Variants in MRPS25 observed in about 807,000 individuals in gnomAD.
MRPS25 encodes the protein mitochondrial ribosomal protein S25.
Under a neutral mutation model 17.3 loss-of-function variants are expected in MRPS25, and 15 were observed. That is an observed-to-expected ratio of 0.87 (90% confidence interval 0.58 to 1.34). MRPS25 has a LOEUF of 1.34. Ranked by LOEUF, MRPS25 falls within the 40% of genes most tolerant of loss-of-function variation. The pLI, the probability that MRPS25 is intolerant of heterozygous loss-of-function variation, is 0.00. For missense variants in MRPS25, 225 were observed against 218.6 expected (o/e 1.03, Z -0.19); for synonymous variants, 94 against 83.3 (o/e 1.13, Z -0.70).
Position 15,065,056 on chromosome 3 carries a change from C to G in MRPS25, c.134+5G>C. 1 of 1,576,724 alleles carries G rather than the reference C, an allele frequency of 6.3e-7. No homozygotes were observed. Among genetic ancestry groups the G allele is most frequent in the Non-Finnish European group, 8.6e-7 (1 of 1,165,448 alleles). ...GCTCGCCAGGCGGCCGGGGCTGCGA[C>G]TGACCTGGCGCCCTCGCCCAGCTCC... On this transcript the variant is annotated splice_donor_5th_base_variant and intron_variant, in intron 1 of 3. Transcript: ENST00000253686.
intron 1 of MRPS25, among the ~76,000 whole-genome samples, chr3:15,062,059 G>A (rs1163854771): frequency 1.4e-5 from 2 of 144,866 alleles, no homozygotes; most frequent in African/African-American, 5.1e-5. Context: ...GTCAGCCCCC[G>A]CCAGGCCAGC....
intron 1 of MRPS25, among the ~76,000 whole-genome samples, chr3:15,060,718 T>G (rs2042741244): frequency 6.6e-6 from 1 of 151,566 alleles, no homozygotes; most frequent in Non-Finnish European, 1.5e-5. Context: ...CCGTCTCTAC[T>G]AAAAATACAA....
At chr3:15,062,014 G>A (rs1341594810) in intron 1 of MRPS25, among the ~76,000 whole-genome samples, 6 of 149,882 alleles carry the variant, frequency 4.0e-5, no homozygotes, top group South Asian at 2.1e-4. Flanking sequence ...GAGCGTCTCC[G>A]CCCGGCAGCC....
At chr3:15,042,776 G>C, downstream of MRPS25, 2 of 1,537,336 alleles carry the variant, frequency 1.3e-6, no homozygotes, top group Non-Finnish European at 8.9e-7. Context: ...AGCCTTTGCT[G>C]AGCTGTGGTT....
In MRPS25 at chr3:15,051,772, CAG is replaced by C. The variant is rs1185220829; in HGVS notation, c.*667_*668del. The C allele has an allele frequency of 1.3e-5, 13 of 985,562 alleles. No individual in the cohort carries two copies. The East Asian group carries it at 1.0e-3, about 77-fold the overall frequency. The allele number at this position is 985,562 out of a possible 1,614,324, so 61.1% of individuals were successfully genotyped here. Reference sequence around the variant, plus strand: ...CTACAAACCTCCCTGCTAATGCACACAGTGGCTGGGCCATGGGTTGGCAGTGG... The same window carrying C: ...CTACAAACCTCCCTGCTAATGCACACTGGCTGGGCCATGGGTTGGCAGTGG... On this transcript the variant is annotated 3_prime_UTR_variant, in exon 4 of 4. Transcript: ENST00000253686.
intron 2 of MRPS25, among the ~76,000 whole-genome samples, chr3:15,056,302 A>G (rs1019458702): frequency 3.3e-5 from 5 of 152,180 alleles, no homozygotes; most frequent in Non-Finnish European, 5.9e-5. Flanking sequence ...GGGGAAATGC[A>G]TATTACAACT....
intron 1 of MRPS25, 98 bp downstream of exon 1, chr3:15,064,963 A>G: frequency 6.9e-7 from 1 of 1,457,334 alleles, no homozygotes; most frequent in Admixed American, 2.1e-5. Flanking sequence ...CGCCCCGGGG[A>G]TGAACGGCCG....
intron 1 of MRPS25, among the ~76,000 whole-genome samples, chr3:15,062,171 TA>T (rs377718731): frequency 0.98 from 3,528 of 3,602 alleles, 1,739 homozygotes; most frequent in Middle Eastern, 1. Flanking sequence ...AGCCGCCCCG[TA>T]CTGGGAGGTG....
chr3:15,050,838 G>GT lies in MRPS25; in HGVS notation c.*1602dup. 1.0e-6 allele frequency: 1 copy of GT among 985,190 alleles called. No individual in the cohort carries two copies. Among genetic ancestry groups the GT allele is most frequent in the Non-Finnish European group, 1.2e-6 (1 of 829,886 alleles). The allele number at this position is 985,190 out of a possible 1,614,324, so 61.0% of individuals were successfully genotyped here. On this transcript the variant is annotated 3_prime_UTR_variant, in exon 4 of 4. Transcript: ENST00000253686. ...ACAGAATCAAACTTGAGCATCAAATGTAAAAGATCCAAATCTGCTCAATTT... is the reference window on the plus strand; with the variant it reads ...ACAGAATCAAACTTGAGCATCAAATGTTAAAAGATCCAAATCTGCTCAATTT...
intron 1 of MRPS25, among the ~76,000 whole-genome samples, chr3:15,063,653 A>G (rs181357787): frequency 8.5e-4 from 129 of 152,304 alleles, no homozygotes; most frequent in African/African-American, 2.7e-3. Context: ...AATGTAAGTA[A>G]GAGGCTCACA....
At chr3:15,044,636 C>G (rs918042167), downstream of MRPS25, 1 of 152,236 alleles carries the variant, frequency 6.6e-6, no homozygotes, top group Non-Finnish European at 1.5e-5. Flanking sequence ...AAATTTGCCT[C>G]TCTTGATTTG....
At chr3:15,058,151 C>G (rs959347348) in intron 2 of MRPS25, among the ~76,000 whole-genome samples, 11 of 152,100 alleles carry the variant, frequency 7.2e-5, no homozygotes, top group African/African-American at 2.7e-4. Flanking sequence ...ACTGGGATTA[C>G]AGGTGTGAGC....
chr3:15,063,796 A>AT (rs1327995514), intron 1 of MRPS25, among the ~76,000 whole-genome samples: 1 of 151,874 alleles, frequency 6.6e-6, no homozygotes, highest in African/African-American at 2.4e-5. Flanking sequence ...TGGATAGGGC[A>AT]TGTGCTCTCC....
At chr3:15,060,692 C>T (rs996578252) in intron 1 of MRPS25, among the ~76,000 whole-genome samples, 4 of 151,984 alleles carry the variant, frequency 2.6e-5, no homozygotes, top group Non-Finnish European at 4.4e-5. Context: ...ACCATCCTGG[C>T]TAACACGGTG....
At chr3:15,044,212 C>T (rs1299267071), downstream of MRPS25, 1 of 152,210 alleles carries the variant, frequency 6.6e-6, no homozygotes, top group Non-Finnish European at 1.5e-5. Context: ...AGGACAATTT[C>T]TTCCTGTTGA....
At chr3:15,056,901 G>A (rs77343513) in intron 2 of MRPS25, among the ~76,000 whole-genome samples, 3,102 of 152,336 alleles carry the variant, frequency 0.02, 105 homozygotes, top group African/African-American at 0.069. Context: ...CGGCACAATC[G>A]CTTTGGAAAG....
In MRPS25 at chr3:15,065,213, G is replaced by T; in HGVS notation, c.-19C>A. 6.4e-7 allele frequency: 1 copy of T among 1,571,362 alleles called. No individual in the cohort carries two copies. Reference sequence around the variant, plus strand: ...TGGGCATGGCGGCAACGGTGGCGGGGCCGACCCCACGGGCCGCGAGCCGAG... The same window carrying T: ...TGGGCATGGCGGCAACGGTGGCGGGTCCGACCCCACGGGCCGCGAGCCGAG... On this transcript the variant is annotated 5_prime_UTR_variant, in exon 1 of 4. Transcript: ENST00000253686.
At chr3:15,058,491 A>C (rs550928969) in intron 2 of MRPS25, among the ~76,000 whole-genome samples, 5 of 152,296 alleles carry the variant, frequency 3.3e-5, no homozygotes, top group African/African-American at 1.2e-4. Context: ...GCTTGGCCCT[A>C]ATCTTTTGTT....
chr3:15,063,048 A>G (rs75033312), intron 1 of MRPS25, among the ~76,000 whole-genome samples: 2 of 136,746 alleles, frequency 1.5e-5, no homozygotes, highest in Non-Finnish European at 1.6e-5. Context: ...TGATCAATTG[A>G]AAAAAAAAAA....
Sources: gnomAD v4.1 joint callset for allele counts (sites outside exome capture counted in the v4.1 genomes callset) on GRCh38, gnomAD v4.1.1 for gene constraint, MANE v1.5 for transcripts, NCBI Gene and HGNC (gene_info 2026-07-23, HGNC 2026-07-21) for gene names.